Variants in LRRTM4 observed in about 807,000 individuals in gnomAD.
LRRTM4 encodes leucine-rich repeat transmembrane neuronal protein 4.
In LRRTM4, 25 loss-of-function variants were observed where a neutral mutation model predicts 47.6. The observed-to-expected ratio is 0.53, with a 90% CI of 0.38 to 0.73. The LOEUF (loss-of-function observed/expected upper bound fraction) is 0.73. Among genes scored for constraint, LRRTM4 ranks in the 30% least tolerant of loss-of-function variants. LRRTM4 has a pLI of 0.00. For synonymous variants in LRRTM4, 311 were observed against 269.5 expected (o/e 1.15, Z -1.51); for missense variants, 638 against 713.4 (o/e 0.89, Z 1.20).
chr2:76,790,764 T>A (rs900259973), intron 3 of LRRTM4, among the ~76,000 whole-genome samples: 1 of 151,518 alleles, frequency 6.6e-6, no homozygotes, highest in Non-Finnish European at 1.5e-5. Flanking sequence ...TTGATGTAAA[T>A]CTACTCTTTG....
chr2:76,802,556 A>G (rs551142975), intron 3 of LRRTM4, among the ~76,000 whole-genome samples: 10 of 152,248 alleles, frequency 6.6e-5, no homozygotes, highest in South Asian at 2.1e-4. Flanking sequence ...AAATGATTCA[A>G]TGTAATCCCT....
intron 3 of LRRTM4, among the ~76,000 whole-genome samples, chr2:77,025,335 A>G (rs772291951): frequency 2.0e-5 from 3 of 152,140 alleles, no homozygotes; most frequent in Non-Finnish European, 4.4e-5. Flanking sequence ...GATCTTTCCT[A>G]CTTGAATAGT....
intron 3 of LRRTM4, among the ~76,000 whole-genome samples, chr2:76,923,201 A>G (rs910168044): frequency 6.6e-6 from 1 of 151,978 alleles, no homozygotes; most frequent in Non-Finnish European, 1.5e-5. Context: ...CTATATTTCC[A>G]TTTCTAAGTC....
intron 3 of LRRTM4, among the ~76,000 whole-genome samples, chr2:77,182,264 C>G (rs1454971333): frequency 6.6e-6 from 1 of 152,126 alleles, no homozygotes; most frequent in Non-Finnish European, 1.5e-5. Flanking sequence ...AGATCGTGTC[C>G]TTTACAGGGA....
At chr2:76,792,257 T>C (rs1410280433) in intron 3 of LRRTM4, among the ~76,000 whole-genome samples, 1 of 151,892 alleles carries the variant, frequency 6.6e-6, no homozygotes, top group Non-Finnish European at 1.5e-5. Context: ...AACAACAAAA[T>C]AACCATTAAA....
In LRRTM4 at chr2:77,362,983, A is replaced by G. The variant is rs775644088; in HGVS notation, c.1551+155335T>C. Reference sequence around the variant, plus strand: ...TATTTAACCATGACTCTTTATAAACATCCATATGGGTAGTATTACTGTCCA... The same window carrying G: ...TATTTAACCATGACTCTTTATAAACGTCCATATGGGTAGTATTACTGTCCA... On this transcript the variant is annotated intron_variant, in intron 3 of 3. Transcript: ENST00000409884. Among the ~76,000 whole-genome samples, 6 of 152,170 alleles carry G rather than the reference A, an allele frequency of 3.9e-5. 1 individual carries two copies. Among genetic ancestry groups the G allele is most frequent in the Admixed American group, 1.3e-4 (2 of 15,278 alleles).
At chr2:77,378,226 G>A (rs563495020) in intron 3 of LRRTM4, among the ~76,000 whole-genome samples, 52 of 151,588 alleles carry the variant, frequency 3.4e-4, no homozygotes, top group Non-Finnish European at 6.3e-4. Flanking sequence ...TACAAATTCT[G>A]GGGTACGAAT....
At chr2:76,985,641 G>A (rs1259165701) in intron 3 of LRRTM4, among the ~76,000 whole-genome samples, 3 of 151,962 alleles carry the variant, frequency 2.0e-5, no homozygotes, top group Non-Finnish European at 4.4e-5. Context: ...TGAAGTTTTT[G>A]TTAAGGAATC....
At chr2:77,467,104 T>TTTGTTGTTG (rs374414572) in intron 3 of LRRTM4, among the ~76,000 whole-genome samples, 4 of 151,936 alleles carry the variant, frequency 2.6e-5, no homozygotes, top group African/African-American at 9.7e-5. Context: ...AACAGGCTGT[T>TTTGTTGTTG]TTGTTGTTGT....
intron 3 of LRRTM4, among the ~76,000 whole-genome samples, chr2:77,087,659 C>A (rs1409547977): frequency 1.3e-5 from 2 of 152,012 alleles, no homozygotes; most frequent in Non-Finnish European, 2.9e-5. Context: ...AACTGAAGCC[C>A]AACAGCATAG....
chr2:76,763,922 CAT>C (rs1165684981), intron 3 of LRRTM4, among the ~76,000 whole-genome samples: 1 of 152,116 alleles, frequency 6.6e-6, no homozygotes, highest in African/African-American at 2.4e-5. Flanking sequence ...TATAAACAAT[CAT>C]AAACAGAATG....
At chr2:76,767,633 A>T (rs1007143707) in intron 3 of LRRTM4, among the ~76,000 whole-genome samples, 9 of 152,206 alleles carry the variant, frequency 5.9e-5, no homozygotes, top group African/African-American at 2.2e-4. Context: ...TCAGGGTAGC[A>T]TTCAAGGCAA....
chr2:77,263,463 TG>T (rs979482202), intron 3 of LRRTM4, among the ~76,000 whole-genome samples: 3 of 152,122 alleles, frequency 2.0e-5, no homozygotes, highest in Non-Finnish European at 4.4e-5. Context: ...ATATCTGCAG[TG>T]GGGGTATCTT....
intron 3 of LRRTM4, among the ~76,000 whole-genome samples, chr2:77,456,465 A>G (rs62162583): frequency 0.15 from 23,101 of 152,154 alleles, 3,863 homozygotes; most frequent in African/African-American, 0.42. Context: ...CATTTGAAAT[A>G]GTTTCTATTC....
intron 3 of LRRTM4, among the ~76,000 whole-genome samples, chr2:77,211,525 AT>A (rs1466707745): frequency 6.6e-6 from 1 of 152,204 alleles, no homozygotes; most frequent in Non-Finnish European, 1.5e-5. Context: ...CAAACAAAGT[AT>A]TTTAAGGAAA....
intron 3 of LRRTM4, among the ~76,000 whole-genome samples, chr2:76,899,705 T>C (rs1452324775): frequency 1.3e-5 from 2 of 152,124 alleles, no homozygotes; most frequent in Non-Finnish European, 2.9e-5. Context: ...ATAGACTTTA[T>C]TACGTATGCA....
intron 3 of LRRTM4, among the ~76,000 whole-genome samples, chr2:76,812,185 A>G (rs191859899): frequency 3.3e-5 from 5 of 152,310 alleles, no homozygotes; most frequent in Admixed American, 2.0e-4. Flanking sequence ...AGGAGGAATG[A>G]AACAATGCAT....
At chr2:77,031,798 A>G (rs1001021993) in intron 3 of LRRTM4, among the ~76,000 whole-genome samples, 3 of 152,136 alleles carry the variant, frequency 2.0e-5, no homozygotes, top group Non-Finnish European at 4.4e-5. Context: ...GTAAATTAAT[A>G]TAGTGAATTA....
intron 3 of LRRTM4, among the ~76,000 whole-genome samples, chr2:77,272,700 C>T (rs370121923): frequency 2.0e-5 from 3 of 152,132 alleles, no homozygotes; most frequent in East Asian, 3.9e-4. Flanking sequence ...AATTTTTACA[C>T]TTGGTCACAG....
Sources: allele counts gnomAD v4.1 joint callset (sites outside exome capture counted in the v4.1 genomes callset), GRCh38; gene constraint gnomAD v4.1.1; transcripts MANE v1.5; gene names NCBI Gene and HGNC (gene_info 2026-07-23, HGNC 2026-07-21).